The following TRIM5 variants were observed in gnomAD, a reference collection of about 807,000 sequenced individuals.
The protein encoded by TRIM5 is tripartite motif containing 5, also known as tripartite motif-containing protein 5.
Under a neutral mutation model 35.6 loss-of-function variants are expected in TRIM5, and 31 were observed. That is an observed-to-expected ratio of 0.87 (90% CI 0.65 to 1.18). TRIM5 has a LOEUF of 1.18. TRIM5 is among the 50% of genes most tolerant of loss of function. The pLI, the probability that TRIM5 is intolerant of heterozygous loss-of-function variation, is 0.00. For missense variants in TRIM5, 609 were observed against 591.6 expected (o/e 1.03, Z -0.31); for synonymous variants, 243 against 215.6 (o/e 1.13, Z -1.11).
At chr11:5,672,390 T>A (rs1160022836) in intron 4 of TRIM5, among the ~76,000 whole-genome samples, 1 of 152,024 alleles carries the variant, frequency 6.6e-6, no homozygotes, top group Non-Finnish European at 1.5e-5. Context: ...TTTTGTATTT[T>A]TAGTAGAGAT....
At chr11:5,610,659 T>G in the TRIM5 span, 4 of 1,543,684 alleles carry the variant, frequency 2.6e-6, no homozygotes, top group Non-Finnish European at 2.6e-6. Flanking sequence ...TGTTGATGCC[T>G]CCCCCATCCC....
the TRIM5 span, chr11:5,610,318 A>G: frequency 8.7e-6 from 14 of 1,604,074 alleles, no homozygotes; most frequent in African/African-American, 2.7e-5. Flanking sequence ...GATAGAGGCT[A>G]TAGTCGGTAT....
At chr11:5,680,927 C>CG (rs1852388426) in intron 1 of TRIM5, among the ~76,000 whole-genome samples, 1 of 152,176 alleles carries the variant, frequency 6.6e-6, no homozygotes, top group African/African-American at 2.4e-5. Context: ...CTCTTTGCTA[C>CG]TCTTTTGGTT....
the TRIM5 span, chr11:5,605,460 A>G: frequency 6.2e-7 from 1 of 1,614,216 alleles, no homozygotes. Context: ...GGGGCTACGA[A>G]TTATAGAAGA....
chr11:5,656,585 C>G, the TRIM5 span, among the ~76,000 whole-genome samples: 1 of 152,124 alleles, frequency 6.6e-6, no homozygotes, highest in Non-Finnish European at 1.5e-5. Flanking sequence ...AACTCCCAAC[C>G]TTAGGTGATC....
the TRIM5 span, chr11:5,626,768 G>C: frequency 2.0e-5 from 3 of 152,156 alleles, no homozygotes; most frequent in Non-Finnish European, 4.4e-5. Context: ...TGTAGTCCCA[G>C]CTACTCGGGA....
At chr11:5,645,289 G>C in the TRIM5 span, among the ~76,000 whole-genome samples, 1 of 151,904 alleles carries the variant, frequency 6.6e-6, no homozygotes, top group Non-Finnish European at 1.5e-5. Flanking sequence ...CTACTTGGGA[G>C]GCTGAGGCAT....
chr11:5,679,977 T>C lies in TRIM5; in HGVS notation c.201A>G (p.Ile67Met), dbSNP rs1171888478. The stretch of plus-strand genomic sequence containing the variant: ...TGTTGGCTACATGCCGATTAGGCCG[T>C]ATGTTCTCAGGCTGGTAACTGATCC... ...VCRISYQPEN[I>M]RPNRHVANIV... Residue 67 changes from isoleucine (I) to methionine (M), a missense_variant, in exon 2 of 8, where the codon ATA becomes ATG. Coordinates refer to ENST00000380034, the MANE Select transcript of TRIM5 (RefSeq NM_033034.3). 2 of 1,614,104 alleles carry C rather than the reference T, an allele frequency of 1.2e-6. No homozygotes were observed. The highest frequency in any genetic ancestry group is 1.7e-5 in the Admixed American group (1 of 60,018).
chr11:5,620,116 G>T, the TRIM5 span: 1 of 148,958 alleles, frequency 6.7e-6, no homozygotes, highest in African/African-American at 2.5e-5. Context: ...ATGAGACTTA[G>T]GAAAGTCATT....
At chr11:5,600,463 C>G in the TRIM5 span, among the ~76,000 whole-genome samples, 2 of 152,122 alleles carry the variant, frequency 1.3e-5, no homozygotes, top group African/African-American at 4.8e-5. Context: ...GATGGCAGCG[C>G]CAAGAACCTG....
chr11:5,602,321 T>C, the TRIM5 span, among the ~76,000 whole-genome samples: 2 of 152,070 alleles, frequency 1.3e-5, no homozygotes, highest in Non-Finnish European at 2.9e-5. Context: ...CAGGCACCTG[T>C]AATCCCAGCT....
chr11:5,600,661 A>G, the TRIM5 span, among the ~76,000 whole-genome samples: 2 of 150,024 alleles, frequency 1.3e-5, no homozygotes, highest in African/African-American at 2.5e-5. Flanking sequence ...AATTGGTACA[A>G]TTTACAGGGC....
At chr11:5,678,503 C>T (rs566511520) in intron 3 of TRIM5, 69 bp from the exon 4 acceptor site, 3 of 1,346,246 alleles carry the variant, frequency 2.2e-6, no homozygotes, top group Non-Finnish European at 2.0e-6. Flanking sequence ...AGAAAAGGAG[C>T]TGTTTCTTTT....
chr11:5,636,073 A>T, the TRIM5 span, among the ~76,000 whole-genome samples: 1 of 152,216 alleles, frequency 6.6e-6, no homozygotes. Context: ...ATTTGTGCAT[A>T]AACTTATATA....
intron 4 of TRIM5, among the ~76,000 whole-genome samples, chr11:5,675,880 TGTGA>T: frequency 2.2e-5 from 2 of 91,258 alleles, no homozygotes; most frequent in East Asian, 6.2e-4. Context: ...GTCCCCAGAG[TGTGA>T]TATTCCCCTT....
At chr11:5,615,224 C>T in the TRIM5 span, among the ~76,000 whole-genome samples, 7 of 152,076 alleles carry the variant, frequency 4.6e-5, no homozygotes, top group Non-Finnish European at 1.0e-4. Context: ...TTCATTTGCA[C>T]TTGAAAGAAA....
chr11:5,611,806 G>A, the TRIM5 span: 1 of 157,848 alleles, frequency 6.3e-6, no homozygotes, highest in Non-Finnish European at 1.4e-5. Context: ...AGTGGTGAGA[G>A]TAAGCATCTT....
the TRIM5 span, among the ~76,000 whole-genome samples, chr11:5,635,473 GTAT>G: frequency 6.6e-6 from 1 of 151,980 alleles, no homozygotes; most frequent in African/African-American, 2.4e-5. Context: ...AGCCAGTATG[GTAT>G]TAATCTCCTG....
the TRIM5 span, among the ~76,000 whole-genome samples, chr11:5,635,059 A>G: frequency 6.6e-6 from 1 of 152,000 alleles, no homozygotes; most frequent in Admixed American, 6.6e-5. Context: ...TGCAGAAAAG[A>G]TCCATTATAT....
Sources: gnomAD v4.1 joint callset for allele counts (sites outside exome capture counted in the v4.1 genomes callset) on GRCh38, gnomAD v4.1.1 for gene constraint, MANE v1.5 for transcripts, NCBI Gene and HGNC (gene_info 2026-07-23, HGNC 2026-07-21) for gene names.